Variants in APP observed in about 807,000 individuals in gnomAD.
The protein encoded by APP is amyloid-beta precursor protein.
Under a neutral mutation model 101.4 loss-of-function variants are expected in APP, and 31 were observed. The ratio of observed to expected loss-of-function variants is 0.31; its 90% CI spans 0.23 to 0.41. The LOEUF (loss-of-function observed/expected upper bound fraction) is 0.41. Among genes scored for constraint, APP ranks in the 10% least tolerant of loss-of-function variants. APP has a pLI of 1.00. For synonymous variants in APP, 366 were observed against 364.4 expected, an observed-to-expected ratio of 1.00 and a Z score of -0.05; for missense variants, 839 against 1,003.7, an observed-to-expected ratio of 0.84 and a Z score of 2.22.
chr21:25,997,254 T>C, intron 8 of APP, 106 bp downstream of exon 8: 3 of 1,128,380 alleles, frequency 2.7e-6, no homozygotes, highest in Non-Finnish European at 4.0e-6. Flanking sequence ...AAGACAGGTG[T>C]TCAAGAAACA....
intron 3 of APP, among the ~76,000 whole-genome samples, chr21:26,057,300 ACAT>A (rs769390600): frequency 8.5e-5 from 13 of 152,228 alleles, no homozygotes; most frequent in Non-Finnish European, 1.5e-5. Flanking sequence ...AACAAATTAA[ACAT>A]CATAATGAGA....
chr21:26,040,157 T>G (rs932104502), intron 5 of APP, among the ~76,000 whole-genome samples: 1 of 152,236 alleles, frequency 6.6e-6, no homozygotes, highest in Non-Finnish European at 1.5e-5. Flanking sequence ...AAAGGAAGTT[T>G]GTATACATTG....
chr21:25,913,507 G>A (rs997280068), intron 13 of APP, among the ~76,000 whole-genome samples: 3 of 152,176 alleles, frequency 2.0e-5, no homozygotes, highest in Non-Finnish European at 4.4e-5. Flanking sequence ...TAAATTAAAT[G>A]AGCATTTCTT....
At chr21:25,947,271 T>C (rs149171525) in intron 13 of APP, among the ~76,000 whole-genome samples, 5 of 151,752 alleles carry the variant, frequency 3.3e-5, no homozygotes, top group African/African-American at 4.8e-5. Flanking sequence ...AAAAAAGGCA[T>C]AGAGAGCTAA....
At chr21:26,117,720 T>G (rs2146224103) in intron 1 of APP, among the ~76,000 whole-genome samples, 1 of 152,258 alleles carries the variant, frequency 6.6e-6, no homozygotes, top group South Asian at 2.1e-4. Context: ...ATAGAGAAGC[T>G]ATTAAAAAAG....
rs754569140 is a variant in APP, at chr21:25,891,902, T to C, written c.2065-34A>G. ...CAAATTAAGAAAAAGAATTTTAATT[T>C]CTAAATGCAATATAATTTACAATTT... On this transcript the variant is annotated intron_variant, in intron 16 of 17. Transcript: ENST00000346798. 5 of 1,584,376 alleles carry C rather than the reference T, an allele frequency of 3.2e-6. No homozygotes were observed. The South Asian group carries it at 4.5e-5, about 14-fold the overall frequency.
At chr21:26,054,254 A>T (rs577672825) in intron 3 of APP, among the ~76,000 whole-genome samples, 5 of 152,014 alleles carry the variant, frequency 3.3e-5, no homozygotes, top group African/African-American at 1.2e-4. Context: ...GAATGGTGAG[A>T]AGTAGTATGC....
At chr21:26,090,608 A>G (rs1257712515) in intron 2 of APP, among the ~76,000 whole-genome samples, 3 of 152,154 alleles carry the variant, frequency 2.0e-5, no homozygotes, top group African/African-American at 7.2e-5. Flanking sequence ...GGAAAGGAGG[A>G]TTCTTACAAG....
intron 14 of APP, 85 bp downstream of exon 14, chr21:25,911,656 A>G (rs2039074862): frequency 7.8e-7 from 1 of 1,273,956 alleles, no homozygotes; most frequent in African/African-American, 1.5e-5. Context: ...AGAACATACA[A>G]AAGATAACTC....
At chr21:25,962,820 G>T (rs183361) in intron 11 of APP, among the ~76,000 whole-genome samples, 152,320 of 152,320 alleles carry the variant, frequency 1, 76,160 homozygotes, top group Non-Finnish European at 1. Flanking sequence ...AGCTAACACG[G>T]TTTTGGAGAT....
At chr21:26,008,530 G>T (rs1601191406) in intron 6 of APP, among the ~76,000 whole-genome samples, 1 of 152,270 alleles carries the variant, frequency 6.6e-6, no homozygotes, top group East Asian at 1.9e-4. Context: ...CAAACAAATA[G>T]AACACTCTTG....
chr21:26,167,200 C>CT (rs1372954948), intron 1 of APP, among the ~76,000 whole-genome samples: 1 of 152,088 alleles, frequency 6.6e-6, no homozygotes, highest in East Asian at 1.9e-4. Flanking sequence ...GTACATTCCA[C>CT]TTTGTTTTAT....
intron 1 of APP, among the ~76,000 whole-genome samples, chr21:26,160,031 G>T (rs750412673): frequency 1.3e-5 from 2 of 151,924 alleles, no homozygotes; most frequent in African/African-American, 2.4e-5. Context: ...CAGCTCTAAT[G>T]GCCATGCTGA....
intron 15 of APP, among the ~76,000 whole-genome samples, chr21:25,900,464 G>GC (rs948040087): frequency 1.3e-5 from 2 of 151,110 alleles, no homozygotes; most frequent in Admixed American, 1.3e-4. Context: ...GAAGGCTGAG[G>GC]CATAAGAATC....
chr21:25,881,624 A>G lies in APP; in HGVS notation c.*46T>C, dbSNP rs763057188. 1.9e-6 allele frequency: 3 copies of G among 1,574,550 alleles called. No homozygotes were observed. The South Asian group carries it at 3.3e-5, about 17-fold the overall frequency. Reference sequence around the variant, plus strand: ...ATAAATGGACACCGATGGGTAGTGAAGCAATGGTTTTGCTGTCCAACTTCA... The same window carrying G: ...ATAAATGGACACCGATGGGTAGTGAGGCAATGGTTTTGCTGTCCAACTTCA... On this transcript the variant is annotated 3_prime_UTR_variant, in exon 18 of 18. Transcript: ENST00000346798.
intron 13 of APP, among the ~76,000 whole-genome samples, chr21:25,930,850 T>C (rs564064785): frequency 8.5e-5 from 13 of 152,302 alleles, no homozygotes; most frequent in Admixed American, 4.6e-4. Flanking sequence ...CTTTAACTTC[T>C]TTAACAACGT....
intron 17 of APP, among the ~76,000 whole-genome samples, chr21:25,882,073 A>G (rs980261485): frequency 2.0e-5 from 3 of 151,882 alleles, no homozygotes; most frequent in Non-Finnish European, 4.4e-5. Context: ...GTGCAATGGT[A>G]TTTTTTCCTC....
intron 1 of APP, among the ~76,000 whole-genome samples, chr21:26,147,869 C>G (rs574663954): frequency 2.0e-5 from 3 of 152,086 alleles, no homozygotes; most frequent in African/African-American, 7.2e-5. Context: ...CCCAACCCCC[C>G]CAAAAAAACC....
At chr21:26,148,058 G>A (rs1177386694) in intron 1 of APP, among the ~76,000 whole-genome samples, 1 of 152,182 alleles carries the variant, frequency 6.6e-6, no homozygotes, top group Non-Finnish European at 1.5e-5. Context: ...TTAGAGCTAC[G>A]TGTGAGCAGG....
Sources: gnomAD v4.1 joint callset for allele counts (sites outside exome capture counted in the v4.1 genomes callset) on GRCh38, gnomAD v4.1.1 for gene constraint, MANE v1.5 for transcripts, NCBI Gene and HGNC (gene_info 2026-07-23, HGNC 2026-07-21) for gene names.